NFXL1: variants seen among roughly 807,000 people sequenced by gnomAD.
The protein encoded by NFXL1 is NF-X1-type zinc finger protein NFXL1.
Under a neutral mutation model 123.3 loss-of-function variants are expected in NFXL1, and 66 were observed. The observed-to-expected ratio is 0.54, with a 90% CI of 0.44 to 0.66. NFXL1 has a LOEUF of 0.66. Among genes scored for constraint, NFXL1 ranks in the 30% least tolerant of loss-of-function variants. The probability of loss-of-function intolerance (pLI) is 0.00; values close to 1 mark genes in which losing one functional copy is unlikely to be tolerated. For missense variants in NFXL1, 944 were observed against 1,125.6 expected (o/e 0.84, Z 2.31); for synonymous variants, 346 against 360.8 (o/e 0.96, Z 0.46).
At chr4:47,895,950 G>A (rs993610977) in intron 10 of NFXL1, among the ~76,000 whole-genome samples, 16 of 152,138 alleles carry the variant, frequency 1.1e-4, no homozygotes, top group African/African-American at 3.9e-4. Context: ...CCATTGTAGA[G>A]TTATCAATTG....
intron 18 of NFXL1, among the ~76,000 whole-genome samples, chr4:47,869,992 G>A (rs1162768205): frequency 2.6e-5 from 4 of 152,092 alleles, no homozygotes; most frequent in Non-Finnish European, 5.9e-5. Flanking sequence ...GAAAATAATA[G>A]TTTTCCAAAA....
chr4:47,905,130 C>T, intron 4 of NFXL1, 107 bp downstream of exon 4: 1 of 473,716 alleles, frequency 2.1e-6, no homozygotes, highest in Non-Finnish European at 3.8e-6. Context: ...TCAAATGAAG[C>T]ATTTTTAAAC....
chr4:47,869,199 TG>T (rs1445807725), intron 18 of NFXL1, among the ~76,000 whole-genome samples: 4 of 152,082 alleles, frequency 2.6e-5, no homozygotes, highest in Admixed American at 6.5e-5. Flanking sequence ...TACTTCAGCT[TG>T]GCCAATAGAG....
chr4:47,854,871 T>C (rs1347995138), intron 20 of NFXL1, among the ~76,000 whole-genome samples, 188 bp downstream of exon 20: 4 of 151,024 alleles, frequency 2.6e-5, no homozygotes, highest in African/African-American at 9.7e-5. Flanking sequence ...AAAATAAATG[T>C]TTAAAGAACT....
chr4:47,884,560 CAATA>C (rs1736312846), intron 14 of NFXL1, 123 bp from the exon 15 acceptor site: 2 of 569,648 alleles, frequency 3.5e-6, no homozygotes, highest in East Asian at 5.9e-5. Flanking sequence ...TTCAAATAAT[CAATA>C]AATTGTGCTT....
At chr4:47,859,126 C>T (rs1180935778) in intron 19 of NFXL1, among the ~76,000 whole-genome samples, 1 of 152,106 alleles carries the variant, frequency 6.6e-6, no homozygotes, top group East Asian at 1.9e-4. Flanking sequence ...GTTACCCTTC[C>T]CAATCAAAGT....
intron 19 of NFXL1, among the ~76,000 whole-genome samples, chr4:47,855,654 C>A (rs888512282): frequency 5.3e-5 from 8 of 152,028 alleles, no homozygotes; most frequent in African/African-American, 1.9e-4. Context: ...ACACACCTAC[C>A]TTCCCTGTAC....
At chr4:47,869,565 G>T (rs1244006287) in intron 18 of NFXL1, among the ~76,000 whole-genome samples, 5 of 152,022 alleles carry the variant, frequency 3.3e-5, no homozygotes, top group Non-Finnish European at 7.4e-5. Context: ...CAAATACAAA[G>T]AAAGTAGTAT....
At chr4:47,894,467 A>G (rs565300915) in intron 10 of NFXL1, among the ~76,000 whole-genome samples, 165 bp from the exon 11 acceptor site, 1 of 152,140 alleles carries the variant, frequency 6.6e-6, no homozygotes, top group Non-Finnish European at 1.5e-5. Flanking sequence ...ACATTTGCTT[A>G]TATCTTACTT....
chr4:47,899,521 T>C lies in NFXL1; in HGVS notation c.675A>G (p.Arg225=). 6.2e-7 allele frequency: 1 copy of C among 1,612,330 alleles called. No homozygotes were observed. Among genetic ancestry groups the C allele is most frequent in the Non-Finnish European group, 8.5e-7 (1 of 1,178,674 alleles). ...AATAGTACCTACTAGGTGTTTCAGA[T>C]CGTTTGTATTCAAACCTACATTTTG... is the stretch of plus-strand genomic sequence containing the variant. The part of the protein sequence containing the change: ...PCPKCRFEYK[R]SETPSRYYCY... Residue 225 remains arginine (R), a synonymous_variant, in exon 6 of 23, where the codon CGA becomes CGG. Transcript: ENST00000507489.
chr4:47,895,717 TA>T (rs1194749059), intron 10 of NFXL1, among the ~76,000 whole-genome samples: 1 of 152,108 alleles, frequency 6.6e-6, no homozygotes, highest in African/African-American at 2.4e-5. Flanking sequence ...TTATCATCAA[TA>T]AGGCTGTTTC....
In NFXL1 at chr4:47,885,548, A is replaced by G; in HGVS notation, c.1774T>C (p.Leu592=). The part of the protein sequence containing the change: ...CQKVLEKCGH[L]CPAPCHDQAL... ...TGATCATGACACGGAGCAGGACACAAGTGACCACATTTCTCCAAAACTTTT... is the reference window on the plus strand; with the variant it reads ...TGATCATGACACGGAGCAGGACACAGGTGACCACATTTCTCCAAAACTTTT... The change falls in exon 14 of 23, where the codon TTG becomes CTG. Residue 592 remains leucine, a synonymous_variant. Transcript: ENST00000507489. The G allele has an allele frequency of 6.2e-7, 1 of 1,613,882 alleles. No individual in the cohort carries two copies. Among genetic ancestry groups the G allele is most frequent in the Non-Finnish European group, 8.5e-7 (1 of 1,179,742 alleles).
At chr4:47,852,749 T>G (rs1734194594) in intron 20 of NFXL1, among the ~76,000 whole-genome samples, 1 of 152,054 alleles carries the variant, frequency 6.6e-6, no homozygotes, top group Admixed American at 6.6e-5. Flanking sequence ...GACTGCCTTT[T>G]GTAGTACATC....
At chr4:47,886,409 C>T (rs1416627208) in intron 12 of NFXL1, among the ~76,000 whole-genome samples, 1 of 151,792 alleles carries the variant, frequency 6.6e-6, no homozygotes, top group Admixed American at 6.6e-5. Context: ...CAACCTGTTG[C>T]TCAAGCTGAG....
At chr4:47,900,267 T>C (rs1480265319) in intron 5 of NFXL1, among the ~76,000 whole-genome samples, 1 of 152,154 alleles carries the variant, frequency 6.6e-6, no homozygotes, top group African/African-American at 2.4e-5. Flanking sequence ...TGGAGTATAG[T>C]GGCGCAATCT....
intron 2 of NFXL1, among the ~76,000 whole-genome samples, chr4:47,913,723 A>G: frequency 6.6e-6 from 1 of 151,934 alleles, no homozygotes; most frequent in Non-Finnish European, 1.5e-5. Flanking sequence ...AGATTCAAGT[A>G]GGCAAGAGTG....
At chr4:47,910,236 A>C (rs6823572) in intron 3 of NFXL1, among the ~76,000 whole-genome samples, 2 of 152,102 alleles carry the variant, frequency 1.3e-5, no homozygotes, top group Admixed American at 6.5e-5. Context: ...TCAGCTACTC[A>C]GGAAGCTGAG....
intron 12 of NFXL1, among the ~76,000 whole-genome samples, chr4:47,888,367 G>C (rs890804199): frequency 6.6e-5 from 10 of 152,264 alleles, no homozygotes; most frequent in Admixed American, 2.0e-4. Context: ...GTATAATTCT[G>C]ATTATGAAGG....
At chr4:47,898,733 C>T (rs1737232009) in intron 8 of NFXL1, 24 bp downstream of exon 8, 2 of 1,363,582 alleles carry the variant, frequency 1.5e-6, no homozygotes, top group East Asian at 2.3e-5. Flanking sequence ...TAATACCCAC[C>T]CCTCAAAATG....
Sources: allele counts gnomAD v4.1 joint callset (sites outside exome capture counted in the v4.1 genomes callset), GRCh38; gene constraint gnomAD v4.1.1; transcripts MANE v1.5; gene names NCBI Gene and HGNC (gene_info 2026-07-23, HGNC 2026-07-21).